The following TIMP2 variants were observed in gnomAD, a reference collection of about 807,000 sequenced individuals.
TIMP2 encodes TIMP metallopeptidase inhibitor 2.
A neutral mutation model predicts 24.3 loss-of-function variants in TIMP2; 5 were observed. That is an observed-to-expected ratio of 0.21 (90% CI 0.11 to 0.43). The LOEUF is 0.43. Among genes scored for constraint, TIMP2 ranks in the 20% least tolerant of loss-of-function variants. The pLI, the probability that TIMP2 is intolerant of heterozygous loss-of-function variation, is 1.00. For missense variants in TIMP2, 221 were observed against 297.5 expected, an observed-to-expected ratio of 0.74 and a Z score of 1.89; for synonymous variants, 130 against 123.2, an observed-to-expected ratio of 1.06 and a Z score of -0.37.
intron 3 of TIMP2, among the ~76,000 whole-genome samples, chr17:78,869,795 AT>A (rs2069658659): frequency 1.3e-5 from 2 of 152,274 alleles, no homozygotes; most frequent in South Asian, 4.1e-4. Context: ...AGCCTGGGAA[AT>A]AGAGCGAGAC....
intron 1 of TIMP2, among the ~76,000 whole-genome samples, chr17:78,894,158 T>A (rs994534037): frequency 6.6e-6 from 1 of 152,114 alleles, no homozygotes; most frequent in Non-Finnish European, 1.5e-5. Flanking sequence ...TCCGTTCATC[T>A]TTTTTACAGT....
chr17:78,923,396 T>TGGGGGGGGGGGGGGGGGGGGGGGGGG (rs1255104339), intron 1 of TIMP2, among the ~76,000 whole-genome samples: 1 of 47,698 alleles, frequency 2.1e-5, no homozygotes, highest in Non-Finnish European at 3.9e-5. Flanking sequence ...TGGGGCGGGG[T>TGGGGGGGGGGGGGGGGGGGGGGGGGG]GGGGGGGGGG....
chr17:78,877,968 C>T (rs1048707374), intron 1 of TIMP2, among the ~76,000 whole-genome samples: 2 of 152,068 alleles, frequency 1.3e-5, no homozygotes, highest in African/African-American at 4.8e-5. Flanking sequence ...GGCCTCCCAA[C>T]GTGCTGGGAT....
At position 78,877,896 on chromosome 17, in the gene TIMP2, C is replaced by T. The variant is rs565018643; in HGVS notation, c.131-3977G>A. On this transcript the variant is annotated intron_variant, in intron 1 of 4. Coordinates refer to ENST00000262768, the MANE Select transcript of TIMP2 (RefSeq NM_003255.5). ...TTTTTTGTATTTATTTTAGTAGAGA[C>T]GGGGTTTCACCATGCTGGCCAGGAT... 3.3e-5 allele frequency among the ~76,000 whole-genome samples: 5 copies of T among 151,858 alleles called. No individual in the cohort carries two copies. In the East Asian group the frequency reaches 9.8e-4, roughly 30 times the overall value.
At chr17:78,884,024 A>G (rs2069803397) in intron 1 of TIMP2, among the ~76,000 whole-genome samples, 1 of 152,170 alleles carries the variant, frequency 6.6e-6, no homozygotes, top group Non-Finnish European at 1.5e-5. Context: ...GGCTTTGTGG[A>G]GGGAAGTGCA....
rs1382092278 is a variant in TIMP2, at chr17:78,891,636, G to C, written c.131-17717C>G. On this transcript the variant is annotated intron_variant, in intron 1 of 4. Transcript: ENST00000262768. This position sits in a 1 kb window ranked among gnomAD's most constrained non-coding sequence, Gnocchi z 4.5. ...CCCTGAGAGCGACTGGTCAGGGCTG[G>C]AACAAAGCAAACTGCCCCCTTTCCC... 12 of 1,550,802 alleles carry C rather than the reference G, an allele frequency of 7.7e-6. No homozygotes were observed. Among genetic ancestry groups the C allele is most frequent in the Non-Finnish European group, 9.6e-6 (11 of 1,147,106 alleles).
chr17:78,889,837 A>G (rs2069862652), intron 1 of TIMP2, among the ~76,000 whole-genome samples: 1 of 152,224 alleles, frequency 6.6e-6, no homozygotes, highest in Non-Finnish European at 1.5e-5. Flanking sequence ...AGGCAAGACT[A>G]GGCCAGGCGC....
chr17:78,895,588 G>A (rs1599164577), intron 1 of TIMP2, among the ~76,000 whole-genome samples: 1 of 152,180 alleles, frequency 6.6e-6, no homozygotes, highest in Non-Finnish European at 1.5e-5. Context: ...TCTTAAAAAG[G>A]GAAACACAGA....
At chr17:78,863,724 C>T (rs2069585773) in intron 3 of TIMP2, among the ~76,000 whole-genome samples, 1 of 152,156 alleles carries the variant, frequency 6.6e-6, no homozygotes, top group African/African-American at 2.4e-5. Context: ...ACCAGCTTTT[C>T]ATGCAGTGCT....
intron 3 of TIMP2, among the ~76,000 whole-genome samples, chr17:78,865,699 G>T (rs978635850): frequency 6.6e-6 from 1 of 151,996 alleles, no homozygotes; most frequent in African/African-American, 2.4e-5. Context: ...GGCTGAGGCA[G>T]GAGAACTGCT....
intron 1 of TIMP2, chr17:78,897,885 G>A (rs1231653024): frequency 6.6e-6 from 1 of 152,246 alleles, no homozygotes. Context: ...TTTTCCTGGA[G>A]ACACGGAAAT....
chr17:78,925,146 G>C lies in TIMP2; in HGVS notation c.-58C>G. 7 of 764,424 alleles carry C rather than the reference G, an allele frequency of 9.2e-6. No individual in the cohort carries two copies. Among genetic ancestry groups the C allele is most frequent in the Non-Finnish European group, 1.1e-5 (7 of 631,406 alleles). The allele number at this position is 764,424 out of a possible 1,614,324, so 47.4% of individuals were successfully genotyped here. The stretch of plus-strand genomic sequence containing the variant: ...CCGCTGGGGGGTCCGGGCGCTGCTC[G>C]CGGCGGCGGGCTGGGGGCGCGGGCG... On this transcript the variant is annotated 5_prime_UTR_variant, in exon 1 of 5. Transcript: ENST00000262768.
chr17:78,877,728 G>A (rs1015725654), intron 1 of TIMP2, among the ~76,000 whole-genome samples: 1 of 149,788 alleles, frequency 6.7e-6, no homozygotes, highest in African/African-American at 2.5e-5. Flanking sequence ...TTTTGAGATG[G>A]AGTCTAGCTC....
At chr17:78,892,156 TCTC>T (rs1321143769) in intron 1 of TIMP2, 8 of 1,550,778 alleles carry the variant, frequency 5.2e-6, no homozygotes, top group South Asian at 2.4e-5. Context: ...CCTGATACCC[TCTC>T]CTCAACTCCT....
chr17:78,888,317 C>T (rs1247550475), intron 1 of TIMP2, among the ~76,000 whole-genome samples: 1 of 151,826 alleles, frequency 6.6e-6, no homozygotes, highest in Non-Finnish European at 1.5e-5. Context: ...CACCACCACG[C>T]CCGGCTAATT....
At chr17:78,889,201 G>T (rs138060232) in intron 1 of TIMP2, among the ~76,000 whole-genome samples, 1 of 152,210 alleles carries the variant, frequency 6.6e-6, no homozygotes, top group Non-Finnish European at 1.5e-5. Flanking sequence ...TGCAGAAAAA[G>T]TATGTTGATC....
intron 3 of TIMP2, among the ~76,000 whole-genome samples, chr17:78,867,059 A>G (rs1171716676): frequency 2.6e-5 from 4 of 152,168 alleles, no homozygotes; most frequent in Non-Finnish European, 5.9e-5. Context: ...TCAGGAGTTC[A>G]AGACCAGCCT....
At chr17:78,904,221 CG>C (rs11286006) in intron 1 of TIMP2, 11,685 of 151,864 alleles carry the variant, frequency 0.077, 500 homozygotes, top group Middle Eastern at 0.12. Context: ...CACGAGCCAC[CG>C]CCCCCAGCCC....
chr17:78,860,032 C>T (rs1475484411), intron 3 of TIMP2, among the ~76,000 whole-genome samples: 1 of 151,440 alleles, frequency 6.6e-6, no homozygotes, highest in African/African-American at 2.4e-5. Context: ...AAAAATTAGC[C>T]GGGTGTGGTG....
Sources: gnomAD v4.1 joint callset for allele counts (sites outside exome capture counted in the v4.1 genomes callset) on GRCh38, gnomAD v4.1.1 for gene constraint, Gnocchi (gnomAD v3.1) non-coding constraint, MANE v1.5 for transcripts, NCBI Gene and HGNC (gene_info 2026-07-23, HGNC 2026-07-21) for gene names.